The following CMIP variants were observed in gnomAD, a reference collection of about 807,000 sequenced individuals.
The protein encoded by CMIP is c-Maf inducing protein, also known as C-Maf-inducing protein.
CMIP carries 13 observed loss-of-function variants against 97.3 expected under a neutral mutation model. The observed-to-expected ratio is 0.13, with a 90% CI of 0.09 to 0.21. The LOEUF is 0.21. Ranked by LOEUF, CMIP falls within the 10% of genes least tolerant of loss-of-function variation. The pLI is 1.00. For missense variants in CMIP, 847 were observed against 1,024.9 expected (o/e 0.83, Z 2.37); for synonymous variants, 538 against 436.3 (o/e 1.23, Z -2.91).
At chr16:81,645,222 A>C (rs995626790) in intron 3 of CMIP, 3 of 417,798 alleles carry the variant, frequency 7.2e-6, no homozygotes, top group Non-Finnish European at 7.8e-6. Context: ...GCACTGGAAA[A>C]AGTTTTCAAA....
At chr16:81,548,803 G>T (rs1423820039) in intron 1 of CMIP, among the ~76,000 whole-genome samples, 1 of 152,140 alleles carries the variant, frequency 6.6e-6, no homozygotes, top group Non-Finnish European at 1.5e-5. Context: ...CTACGATCAT[G>T]CTGCTGCACT....
intron 1 of CMIP, among the ~76,000 whole-genome samples, chr16:81,586,371 T>C (rs915458960): frequency 3.3e-5 from 5 of 152,144 alleles, no homozygotes; most frequent in African/African-American, 7.2e-5. Flanking sequence ...GAAACAGCGA[T>C]AGTAGAAAGA....
At chr16:81,485,003 C>G (rs1410222345) in intron 1 of CMIP, among the ~76,000 whole-genome samples, 1 of 152,044 alleles carries the variant, frequency 6.6e-6, no homozygotes, top group South Asian at 2.1e-4. Flanking sequence ...GCAGCAGTTT[C>G]CAACTTGAGC....
chr16:81,546,502 T>C (rs1011604671), intron 1 of CMIP, among the ~76,000 whole-genome samples: 1 of 152,152 alleles, frequency 6.6e-6, no homozygotes, highest in Non-Finnish European at 1.5e-5. Context: ...TTGCAGGCGG[T>C]TCATTCATTC....
chr16:81,493,079 G>T (rs1457266292), intron 1 of CMIP, among the ~76,000 whole-genome samples: 3 of 152,166 alleles, frequency 2.0e-5, no homozygotes, highest in Non-Finnish European at 1.5e-5. Context: ...GCTTGATTCG[G>T]GGGAAGCTGT....
intron 3 of CMIP, among the ~76,000 whole-genome samples, chr16:81,625,450 G>A (rs1027689608): frequency 3.3e-5 from 5 of 152,268 alleles, no homozygotes; most frequent in Non-Finnish European, 5.9e-5. Context: ...CAGAGGCCAA[G>A]CCCTGTGGTG....
chr16:81,586,625 C>A (rs1246470096), intron 1 of CMIP, among the ~76,000 whole-genome samples: 1 of 148,980 alleles, frequency 6.7e-6, no homozygotes, highest in Non-Finnish European at 1.5e-5. Flanking sequence ...CCTCCTTCAA[C>A]TTCTCTCTCT....
In CMIP at chr16:81,616,982, C is replaced by G. The variant is rs959619207; in HGVS notation, c.427-3894C>G. On this transcript the variant is annotated intron_variant, in intron 2 of 20. Transcript: ENST00000537098. The surrounding 1 kb of genome is among the most constrained non-coding windows in gnomAD (Gnocchi z 4.7). ...GGAGAGATCTGTCAGCCATCCCTGC[C>G]AACAACTCAGCAGTGGGCCGGACCC... 6.6e-6 allele frequency: 1 copy of G among 152,648 alleles called. No homozygotes were observed. The highest frequency in any genetic ancestry group is 2.4e-5 in the African/African-American group (1 of 41,452). 9.5% of individuals were successfully genotyped at this position (152,648 alleles called of 1,614,324 possible). A position where few individuals can be genotyped will look rare whatever the true frequency, so the allele number is the denominator to read the frequency against.
chr16:81,612,234 C>T (rs557255556), intron 2 of CMIP, among the ~76,000 whole-genome samples: 1 of 152,224 alleles, frequency 6.6e-6, no homozygotes, highest in South Asian at 2.1e-4. Flanking sequence ...GAGTGGCTGC[C>T]CATCAGCAAA....
At chr16:81,480,099 C>T (rs117496934) in intron 1 of CMIP, among the ~76,000 whole-genome samples, 12 of 152,292 alleles carry the variant, frequency 7.9e-5, no homozygotes, top group African/African-American at 2.4e-4. Flanking sequence ...TAGCCTTTTC[C>T]GAGCGATTCT....
intron 1 of CMIP, among the ~76,000 whole-genome samples, chr16:81,447,619 C>G (rs1471922155): frequency 6.6e-6 from 1 of 152,216 alleles, no homozygotes; most frequent in Non-Finnish European, 1.5e-5. Flanking sequence ...GAGCAAGATT[C>G]TCTTGGCAGA....
At chr16:81,454,067 G>A (rs992132776) in intron 1 of CMIP, among the ~76,000 whole-genome samples, 8 of 152,218 alleles carry the variant, frequency 5.3e-5, no homozygotes, top group Admixed American at 2.6e-4. Flanking sequence ...TCACATGACC[G>A]TGATCTCATC....
At chr16:81,669,592 ACACCCACCTCTCACCTCCTTCCG>A (rs1249090335) in intron 7 of CMIP, among the ~76,000 whole-genome samples, 1 of 110,624 alleles carries the variant, frequency 9.0e-6, no homozygotes, top group Non-Finnish European at 1.8e-5. Context: ...ACCTCCTTCC[ACACCCACCTCTCACCTCCTTCCG>A]CACCAACCTC....
chr16:81,677,514 G>A (rs1023898969), intron 9 of CMIP, among the ~76,000 whole-genome samples: 6 of 152,206 alleles, frequency 3.9e-5, no homozygotes, highest in African/African-American at 9.7e-5. Context: ...AACTGGGCAC[G>A]TTGGGAAGCA....
intron 4 of CMIP, among the ~76,000 whole-genome samples, chr16:81,653,624 C>T (rs2092452470): frequency 6.6e-6 from 1 of 152,192 alleles, no homozygotes; most frequent in African/African-American, 2.4e-5. Flanking sequence ...TCCCTGCTCA[C>T]CTGTAGTAAG....
chr16:81,645,417 T>C (rs1597188358), intron 3 of CMIP: 1 of 1,484,782 alleles, frequency 6.7e-7, no homozygotes, highest in South Asian at 1.3e-5. Flanking sequence ...CAGCAGCCCC[T>C]GCCTGGCGCG....
At chr16:81,474,041 A>G (rs555840658) in intron 1 of CMIP, among the ~76,000 whole-genome samples, 17 of 151,960 alleles carry the variant, frequency 1.1e-4, no homozygotes, top group African/African-American at 4.1e-4. Flanking sequence ...TCCCCATTCT[A>G]CAGCTAAAGA....
chr16:81,469,931 T>G (rs1187889870), intron 1 of CMIP, among the ~76,000 whole-genome samples: 1 of 152,166 alleles, frequency 6.6e-6, no homozygotes, highest in Non-Finnish European at 1.5e-5. Context: ...TGCTGCACCC[T>G]TGACCTTGTC....
At chr16:81,524,929 A>G (rs2090100700) in intron 1 of CMIP, among the ~76,000 whole-genome samples, 1 of 150,844 alleles carries the variant, frequency 6.6e-6, no homozygotes, top group Non-Finnish European at 1.5e-5. Context: ...CTTAGTAGCT[A>G]GGACTACAGG....
Sources: allele counts gnomAD v4.1 joint callset (sites outside exome capture counted in the v4.1 genomes callset), GRCh38; gene constraint gnomAD v4.1.1; non-coding constraint Gnocchi (gnomAD v3.1); transcripts MANE v1.5; gene names NCBI Gene and HGNC (gene_info 2026-07-23, HGNC 2026-07-21).